Variants in PCDHGB2 observed in about 807,000 individuals in gnomAD.
PCDHGB2 encodes the protein protocadherin gamma subfamily B, 2.
Under a neutral mutation model 59.3 loss-of-function variants are expected in PCDHGB2, and 55 were observed. The ratio of observed to expected loss-of-function variants is 0.93; its 90% confidence interval spans 0.75 to 1.16. PCDHGB2 has a LOEUF of 1.16. Ranked by LOEUF, PCDHGB2 falls within the 50% of genes most tolerant of loss-of-function variation. The pLI is 0.00. For synonymous variants in PCDHGB2, 516 were observed against 512.0 expected, an observed-to-expected ratio of 1.01 and a Z score of -0.11; for missense variants, 1,228 against 1,198.5, an observed-to-expected ratio of 1.02 and a Z score of -0.36.
In PCDHGB2 at chr5:141,361,065, G is replaced by A; in HGVS notation, c.930G>A (p.Glu310=). ...EITTKDDLDF[E]IASSYTLSIE... ...CGACAAAGGATGATTTGGATTTTGA[G>A]ATTGCAAGTAGTTACACTCTGAGTA... Residue 310 remains glutamate, a synonymous_variant, in exon 1 of 4, where the codon GAG becomes GAA. Coordinates refer to ENST00000522605, the MANE Select transcript of PCDHGB2 (RefSeq NM_018923.3). 6.2e-7 allele frequency: 1 copy of A among 1,613,892 alleles called. No homozygotes were observed. The highest frequency in any genetic ancestry group is 8.5e-7 in the Non-Finnish European group (1 of 1,179,830).
In PCDHGB2 at chr5:141,481,831, G is replaced by A. The variant is rs35816779; in HGVS notation, c.2422-12976G>A. On this transcript the variant is annotated intron_variant, in intron 1 of 3. Coordinates refer to ENST00000522605, the MANE Select transcript of PCDHGB2 (RefSeq NM_018923.3). ...ACCAGGCGTGGTGGCTGAGGCAGGAGAATCGCTTGATGGTGGAGGTTGCAG... is the reference window on the plus strand; with the variant it reads ...ACCAGGCGTGGTGGCTGAGGCAGGAAAATCGCTTGATGGTGGAGGTTGCAG... Among the ~76,000 whole-genome samples the A allele has an allele frequency of 1.9e-3, 280 of 149,560 alleles. 1 individual carries two copies. The highest frequency in any genetic ancestry group is 0.01 in the Middle Eastern group (3 of 290).
In PCDHGB2 at chr5:141,486,518, A is replaced by G; in HGVS notation, c.2422-8289A>G. The G allele has an allele frequency of 6.2e-7, 1 of 1,614,132 alleles. No homozygotes were observed. Among genetic ancestry groups the G allele is most frequent in the Non-Finnish European group, 8.5e-7 (1 of 1,179,996 alleles). On this transcript the variant is annotated intron_variant, in intron 1 of 3. Coordinates refer to ENST00000522605, the MANE Select transcript of PCDHGB2 (RefSeq NM_018923.3). The surrounding 1 kb of genome is among the most constrained non-coding windows in gnomAD (Gnocchi z 5.0). ...TATTTTCCTCAATATTTCAGATGTG[A>G]ATGATAATCCACCCTCTTTCTTTCA...
chr5:141,436,590 C>T (rs1050788291), intron 1 of PCDHGB2, among the ~76,000 whole-genome samples: 10 of 152,102 alleles, frequency 6.6e-5, no homozygotes, highest in East Asian at 1.9e-4. Context: ...TTTGAAAGGT[C>T]GTGGTGATGG....
chr5:141,511,361 G>C lies in PCDHGB2; in HGVS notation c.*188G>C, dbSNP rs2099883750. 7.4e-7 allele frequency: 1 copy of C among 1,345,388 alleles called. No individual in the cohort carries two copies. Among genetic ancestry groups the C allele is most frequent in the Non-Finnish European group, 9.9e-7 (1 of 1,006,550 alleles). The allele number at this position is 1,345,388 out of a possible 1,614,324, so 83.3% of individuals were successfully genotyped here. On this transcript the variant is annotated 3_prime_UTR_variant, in exon 4 of 4. Transcript: ENST00000522605. ...CCTACCCCTTCCCCCCCAGGGGGTTGAATATGCAAAAGCAGTTCCGCTGGG... is the reference window on the plus strand; with the variant it reads ...CCTACCCCTTCCCCCCCAGGGGGTTCAATATGCAAAAGCAGTTCCGCTGGG...
At position 141,490,207 on chromosome 5, in the gene PCDHGB2, C is replaced by G. The variant is rs142098675; in HGVS notation, c.2422-4600C>G. ...TTTCTATGAAATTCATGCAAGAGCC[C>G]GTGACCAGGGACAGCCTGCCATGGA... On this transcript the variant is annotated intron_variant, in intron 1 of 3. Coordinates refer to ENST00000522605, the MANE Select transcript of PCDHGB2 (RefSeq NM_018923.3). This position sits in a 1 kb window ranked among gnomAD's most constrained non-coding sequence, Gnocchi z 5.4. 2.9e-4 allele frequency: 470 copies of G among 1,614,056 alleles called. 1 individual carries two copies. Among genetic ancestry groups the G allele is most frequent in the Non-Finnish European group, 3.7e-4 (439 of 1,180,030 alleles).
At chr5:141,401,656 T>G (rs1400500695) in intron 1 of PCDHGB2, among the ~76,000 whole-genome samples, 1 of 152,248 alleles carries the variant, frequency 6.6e-6, no homozygotes, top group East Asian at 1.9e-4. Context: ...AATGACTGGA[T>G]GTTTTCTCAA....
intron 1 of PCDHGB2, among the ~76,000 whole-genome samples, chr5:141,474,312 T>G (rs1358237994): frequency 6.6e-6 from 1 of 152,228 alleles, no homozygotes; most frequent in African/African-American, 2.4e-5. Flanking sequence ...AACTTTAATG[T>G]GTTTTCAAAT....
At position 141,364,632 on chromosome 5, in the gene PCDHGB2, T is replaced by C. The variant is rs377270205; in HGVS notation, c.2421+2076T>C. The C allele has an allele frequency of 1.1e-5, 17 of 1,614,024 alleles. No homozygotes were observed. The African/African-American group carries it at 2.3e-4, about 22-fold the overall frequency. Reference sequence around the variant, plus strand: ...GAGGAGCTCTGCGCTCAGAGCCCACTGTGTGTGGTGAACTTTAACATCTTG... The same window carrying C: ...GAGGAGCTCTGCGCTCAGAGCCCACCGTGTGTGGTGAACTTTAACATCTTG... On this transcript the variant is annotated intron_variant, in intron 1 of 3. Coordinates refer to ENST00000522605, the MANE Select transcript of PCDHGB2 (RefSeq NM_018923.3).
In PCDHGB2 at chr5:141,361,248, G is replaced by C. The variant is rs376049174; in HGVS notation, c.1113G>C (p.Thr371=). 1.2e-6 allele frequency: 2 copies of C among 1,613,840 alleles called. No individual in the cohort carries two copies. The highest frequency in any genetic ancestry group is 2.7e-5 in the African/African-American group (2 of 74,920). The change falls in exon 1 of 4, where the codon ACG becomes ACC. Residue 371 remains threonine (T), a synonymous_variant. Transcript: ENST00000522605. The stretch of plus-strand genomic sequence containing the variant: ...GAACAGTGATCGCCTTGATAAAAAC[G>C]AGAGACAGAGACTCTGGAGAAAATG... ...PPGTVIALIK[T]RDRDSGENGE...
In PCDHGB2 at chr5:141,360,693, A is replaced by G. The variant is rs951041324; in HGVS notation, c.558A>G (p.Pro186=). 4 of 1,613,908 alleles carry G rather than the reference A, an allele frequency of 2.5e-6. No individual in the cohort carries two copies. In the African/African-American group the frequency reaches 5.3e-5, roughly 22 times the overall value. ...TTGATCTCGCTGAGAAACAGACTCC[A>G]GATGGTCGTAAATATCCTGAGTTGA... ...EYFDLAEKQT[P]DGRKYPELIL... is the part of the protein sequence containing the mutation. Residue 186 remains proline, a synonymous_variant, in exon 1 of 4, where the codon CCA becomes CCG. Transcript: ENST00000522605.
At chr5:141,423,499 G>T (rs1590485367) in intron 1 of PCDHGB2, 1 of 1,613,966 alleles carries the variant, frequency 6.2e-7, no homozygotes, top group Non-Finnish European at 8.5e-7. Context: ...TTCCCACGAG[G>T]TCTCTCTCAT....
chr5:141,485,587 G>C lies in PCDHGB2; in HGVS notation c.2422-9220G>C. 6.2e-7 allele frequency: 1 copy of C among 1,612,652 alleles called. No individual in the cohort carries two copies. The highest frequency in any genetic ancestry group is 1.7e-5 in the Admixed American group (1 of 59,982). On this transcript the variant is annotated intron_variant, in intron 1 of 3. Coordinates refer to ENST00000522605, the MANE Select transcript of PCDHGB2 (RefSeq NM_018923.3). This position sits in a 1 kb window ranked among gnomAD's most constrained non-coding sequence, Gnocchi z 5.7. ...CCCCCCGTTTTCCGCGGCAGCAGCT[G>C]GACTTGGAAATTGGGGAGGCAGCTC... is the stretch of plus-strand genomic sequence containing the variant.
At chr5:141,399,111 A>C (rs1561667842) in intron 1 of PCDHGB2, 1 of 1,613,732 alleles carries the variant, frequency 6.2e-7, no homozygotes, top group Non-Finnish European at 8.5e-7. Context: ...CACAATGTAC[A>C]GTTGAAATTA....
rs192995605 is a variant in PCDHGB2 at position 141,395,094 on chromosome 5, G to C, written c.2421+32538G>C. 2.2e-4 allele frequency: 348 copies of C among 1,614,160 alleles called. 5 individuals carry two copies. The East Asian group carries it at 7.6e-3, about 35-fold the overall frequency. ...CTATTCCCAGGAAGTCTCCCTCACC[G>C]CCGACTCGCGGAAGAGTCACCTGAT... On this transcript the variant is annotated intron_variant, in intron 1 of 3. Transcript: ENST00000522605.
chr5:141,478,221 C>A, intron 1 of PCDHGB2: 1 of 1,614,122 alleles, frequency 6.2e-7, no homozygotes, highest in Non-Finnish European at 8.5e-7. Context: ...ATCCTGGTTT[C>A]TGTGGGGTTT....
At chr5:141,366,530 G>A (rs1367752989) in intron 1 of PCDHGB2, 4 of 1,614,230 alleles carry the variant, frequency 2.5e-6, no homozygotes, top group African/African-American at 1.3e-5. Flanking sequence ...CAGGTTGGCG[G>A]GTGTGCCCGC....
rs200686404 is a variant in PCDHGB2 at position 141,477,185 on chromosome 5, G to A, written c.2422-17622G>A. On this transcript the variant is annotated intron_variant, in intron 1 of 3. Transcript: ENST00000522605. The surrounding 1 kb of genome is among the most constrained non-coding windows in gnomAD (Gnocchi z 4.9). ...CGCCCCGGAGATCACAGTCACCTCCGTGTACAGCCCAGTACCCGAGGATGC... is the reference window on the plus strand; with the variant it reads ...CGCCCCGGAGATCACAGTCACCTCCATGTACAGCCCAGTACCCGAGGATGC... 1.2e-6 allele frequency: 2 copies of A among 1,614,210 alleles called. No individual in the cohort carries two copies. Among genetic ancestry groups the A allele is most frequent in the South Asian group, 1.1e-5 (1 of 91,084 alleles).
intron 1 of PCDHGB2, among the ~76,000 whole-genome samples, chr5:141,386,181 G>C (rs908249495): frequency 3.3e-5 from 5 of 152,138 alleles, no homozygotes; most frequent in Non-Finnish European, 5.9e-5. Flanking sequence ...ACCATCTTAT[G>C]TACACAGATC....
chr5:141,428,646 C>T (rs542682298), intron 1 of PCDHGB2: 7 of 170,630 alleles, frequency 4.1e-5, no homozygotes, highest in South Asian at 3.0e-4. Flanking sequence ...CTCCTACTCA[C>T]GTGAGTTCCA....
Sources: gnomAD v4.1 joint callset for allele counts (sites outside exome capture counted in the v4.1 genomes callset) on GRCh38, gnomAD v4.1.1 for gene constraint, Gnocchi (gnomAD v3.1) non-coding constraint, MANE v1.5 for transcripts, NCBI Gene and HGNC (gene_info 2026-07-23, HGNC 2026-07-21) for gene names.